Variants in PDE10A observed in about 807,000 individuals in gnomAD.
PDE10A encodes phosphodiesterase 10A.
A neutral mutation model predicts 97.7 loss-of-function variants in PDE10A; 39 were observed. The ratio of observed to expected loss-of-function variants is 0.40; its 90% CI spans 0.31 to 0.52. PDE10A has a LOEUF of 0.52. Among genes scored for constraint, PDE10A ranks in the 20% least tolerant of loss-of-function variants. The pLI is 0.56. For synonymous variants in PDE10A, 371 were observed against 376.8 expected (o/e 0.98, Z 0.18); for missense variants, 731 against 1,047.8 (o/e 0.70, Z 4.17).
chr6:165,958,864 C>T lies in PDE10A; in HGVS notation c.-615+28665G>A, dbSNP rs991516359. Among the ~76,000 whole-genome samples the T allele has an allele frequency of 1.3e-5, 2 of 152,190 alleles. 1 individual carries two copies. The highest frequency in any genetic ancestry group is 4.1e-4 in the South Asian group (2 of 4,834). ...CCACACCCTCCGGCAGTGCTTCCTC[C>T]CCTCTTGCTTCTGCCCAAAAGACAC... On this transcript the variant is annotated intron_variant, in intron 1 of 19. Transcript: ENST00000366882.
chr6:165,733,728 T>A (rs1464034058), intron 1 of PDE10A, among the ~76,000 whole-genome samples: 1 of 152,190 alleles, frequency 6.6e-6, no homozygotes, highest in East Asian at 1.9e-4. Flanking sequence ...TGTTCTCTTG[T>A]CTCAAAGACA....
intron 1 of PDE10A, among the ~76,000 whole-genome samples, chr6:165,971,649 AAAG>A (rs537427399): frequency 7.2e-5 from 11 of 152,212 alleles, no homozygotes; most frequent in Non-Finnish European, 1.6e-4. Context: ...GATGGGAGAA[AAAG>A]AAGAAGCAAA....
rs201078282 is a variant in PDE10A at position 165,655,524 on chromosome 6, T to C, written c.865+6423A>G. 0.05 allele frequency among the ~76,000 whole-genome samples: 2,467 copies of C among 48,904 alleles called. 69 individuals carry two copies. The highest frequency in any genetic ancestry group is 0.21 in the African/African-American group (2,338 of 11,154). 32.1% of individuals were successfully genotyped at this position (48,904 alleles called of 152,430 possible). A position where few individuals can be genotyped will look rare whatever the true frequency, so the allele number is the denominator to read the frequency against. ...ATATCCAACCCACCTGCAGGTCTTA[T>C]ACACGCCACCTCCAAACACCTCCTG... On this transcript the variant is annotated intron_variant, in intron 1 of 21. Coordinates refer to ENST00000539869, the MANE Select transcript of PDE10A (RefSeq NM_001385079.1). This position sits in a 1 kb window ranked among gnomAD's most constrained non-coding sequence, Gnocchi z 4.5.
intron 3 of PDE10A, among the ~76,000 whole-genome samples, chr6:165,458,671 A>G (rs1384618890): frequency 2.0e-5 from 3 of 151,678 alleles, no homozygotes; most frequent in South Asian, 2.1e-4. Context: ...AGGCGCACGC[A>G]CACACACACA....
At chr6:165,764,841 C>T (rs1222439493) in intron 1 of PDE10A, among the ~76,000 whole-genome samples, 1 of 152,208 alleles carries the variant, frequency 6.6e-6, no homozygotes, top group South Asian at 2.1e-4. Context: ...GTTGCCACTG[C>T]TGGCTCGGGC....
intron 18 of PDE10A, among the ~76,000 whole-genome samples, chr6:165,375,159 A>C: frequency 6.6e-6 from 1 of 152,210 alleles, no homozygotes; most frequent in Non-Finnish European, 1.5e-5. Context: ...CAAGTGAAAA[A>C]AAGTCATATG....
At chr6:165,806,556 T>C (rs1361919924) in intron 1 of PDE10A, among the ~76,000 whole-genome samples, 1 of 152,126 alleles carries the variant, frequency 6.6e-6, no homozygotes, top group Non-Finnish European at 1.5e-5. Flanking sequence ...GCCTCACTCG[T>C]GGGATGTGCT....
At chr6:165,715,112 C>T (rs1328590315) in intron 1 of PDE10A, among the ~76,000 whole-genome samples, 3 of 152,242 alleles carry the variant, frequency 2.0e-5, no homozygotes, top group Admixed American at 6.5e-5. Flanking sequence ...CCCCGAGGGA[C>T]GCTGCAGTGC....
Position 165,655,465 on chromosome 6 carries a change from G to T in PDE10A, c.865+6482C>A, listed in dbSNP as rs1039876664. Among the ~76,000 whole-genome samples, 2 of 151,994 alleles carry T rather than the reference G, an allele frequency of 1.3e-5. No homozygotes were observed. Among genetic ancestry groups the T allele is most frequent in the African/African-American group, 4.8e-5 (2 of 41,380 alleles). On this transcript the variant is annotated intron_variant, in intron 1 of 21. Transcript: ENST00000539869. This position sits in a 1 kb window ranked among gnomAD's most constrained non-coding sequence, Gnocchi z 4.5. ...CTTTCCAGCCAAAAACCCAGGCATG[G>T]ATTCTTGATTCCTCTCTCTCCCTTG...
intron 1 of PDE10A, among the ~76,000 whole-genome samples, chr6:165,691,203 C>CA (rs1562687327): frequency 0.44 from 47,873 of 108,368 alleles, 11,433 homozygotes; most frequent in Non-Finnish European, 0.49. Context: ...CTCTCTCTCC[C>CA]CACACACACA....
At chr6:165,614,833 G>A (rs1787652089) in intron 1 of PDE10A, among the ~76,000 whole-genome samples, 1 of 151,236 alleles carries the variant, frequency 6.6e-6, no homozygotes. Context: ...GCTGAGTGTA[G>A]GAGGCATTCA....
chr6:165,351,431 T>A (rs75049191), intron 18 of PDE10A, among the ~76,000 whole-genome samples: 2,230 of 152,156 alleles, frequency 0.015, 56 homozygotes, highest in African/African-American at 0.051. Context: ...TGAAATTTTT[T>A]AAAAAAAATT....
intron 10 of PDE10A, among the ~76,000 whole-genome samples, chr6:165,425,273 G>A (rs80129998): frequency 3.3e-5 from 5 of 152,144 alleles, no homozygotes; most frequent in African/African-American, 1.2e-4. Flanking sequence ...CTAGGAAGAC[G>A]CCATATGCTG....
At chr6:165,519,800 G>A (rs192076142) in intron 2 of PDE10A, among the ~76,000 whole-genome samples, 1 of 152,290 alleles carries the variant, frequency 6.6e-6, no homozygotes, top group Admixed American at 6.5e-5. Flanking sequence ...AAGTTGAAGT[G>A]TAGAAAATTA....
At chr6:165,386,171 T>C (rs1785289056) in intron 17 of PDE10A, among the ~76,000 whole-genome samples, 1 of 152,132 alleles carries the variant, frequency 6.6e-6, no homozygotes, top group African/African-American at 2.4e-5. Flanking sequence ...TTTGCCAAAA[T>C]GGAGGCAAAC....
rs1401483177 is a variant in PDE10A at position 165,330,911 on chromosome 6, T to G, written c.*2114A>C. ...TAGACTCCAGCTTCATAAATTTGTATGCAGAAAAATATGTATCTTGTTCAA... is the reference window on the plus strand; with the variant it reads ...TAGACTCCAGCTTCATAAATTTGTAGGCAGAAAAATATGTATCTTGTTCAA... On this transcript the variant is annotated 3_prime_UTR_variant, in exon 22 of 22. Coordinates refer to ENST00000539869, the MANE Select transcript of PDE10A (RefSeq NM_001385079.1). The G allele has an allele frequency of 6.6e-6, 1 of 152,192 alleles. No homozygotes were observed. The highest frequency in any genetic ancestry group is 1.9e-4 in the East Asian group (1 of 5,206). The allele number at this position is 152,192 out of a possible 1,614,324, so 9.4% of individuals were successfully genotyped here.
At chr6:165,702,229 A>C (rs991615665) in intron 1 of PDE10A, among the ~76,000 whole-genome samples, 51 of 152,358 alleles carry the variant, frequency 3.3e-4, no homozygotes, top group African/African-American at 1.2e-3. Context: ...AAAGAAAACC[A>C]CAGAAAGCAG....
chr6:165,731,636 C>T (rs1370251381), intron 1 of PDE10A, among the ~76,000 whole-genome samples: 1 of 152,184 alleles, frequency 6.6e-6, no homozygotes, highest in Non-Finnish European at 1.5e-5. Flanking sequence ...AGATTGTTGA[C>T]ACTTTCTGTA....
At chr6:165,485,499 G>T (rs1779861387) in intron 2 of PDE10A, among the ~76,000 whole-genome samples, 2 of 149,136 alleles carry the variant, frequency 1.3e-5, no homozygotes, top group African/African-American at 2.5e-5. Flanking sequence ...CAAGTCTTTG[G>T]AGTTTTCAAA....
Sources: gnomAD v4.1 joint callset for allele counts (sites outside exome capture counted in the v4.1 genomes callset) on GRCh38, gnomAD v4.1.1 for gene constraint, Gnocchi (gnomAD v3.1) non-coding constraint, MANE v1.5 for transcripts, NCBI Gene and HGNC (gene_info 2026-07-23, HGNC 2026-07-21) for gene names.